Variants in CDH13 observed in about 807,000 individuals in gnomAD.
CDH13 encodes cadherin 13.
Under a neutral mutation model 63.8 loss-of-function variants are expected in CDH13, and 24 were observed. The observed-to-expected ratio is 0.38, with a 90% CI of 0.27 to 0.53. The LOEUF (loss-of-function observed/expected upper bound fraction) is 0.53, where lower values mean the gene tolerates loss of function less well. Ranked by LOEUF, CDH13 falls within the 20% of genes least tolerant of loss-of-function variation. The pLI, the probability that CDH13 is intolerant of heterozygous loss-of-function variation, is 0.85. For synonymous variants in CDH13, 503 were observed against 355.3 expected, an observed-to-expected ratio of 1.42 and a Z score of -4.67; for missense variants, 1,049 against 903.1, an observed-to-expected ratio of 1.16 and a Z score of -2.07.
intron 5 of CDH13, among the ~76,000 whole-genome samples, chr16:83,265,976 G>A (rs1344048421): frequency 3.3e-5 from 5 of 151,646 alleles, no homozygotes; most frequent in East Asian, 3.9e-4. Flanking sequence ...TCGCTCTGTC[G>A]CCCAGGCTAG....
At chr16:83,177,020 A>G (rs994177910) in intron 4 of CDH13, among the ~76,000 whole-genome samples, 2 of 152,184 alleles carry the variant, frequency 1.3e-5, no homozygotes, top group African/African-American at 2.4e-5. Flanking sequence ...TGCTGTGATT[A>G]TGGAAATGTT....
Position 82,801,850 on chromosome 16 carries a change from G to C in CDH13, c.46-56512G>C, listed in dbSNP as rs184730550. 1.2e-3 allele frequency among the ~76,000 whole-genome samples: 190 copies of C among 152,288 alleles called. 1 individual carries two copies. The highest frequency in any genetic ancestry group is 4.4e-3 in the African/African-American group (183 of 41,568). On this transcript the variant is annotated intron_variant, in intron 1 of 13. Coordinates refer to ENST00000567109, the MANE Select transcript of CDH13 (RefSeq NM_001257.5). ...TTGTTCACGTTCGTGCCAACTCCTGGTGTCTTAGATTTTGTTCCCAAACAC... is the reference window on the plus strand; with the variant it reads ...TTGTTCACGTTCGTGCCAACTCCTGCTGTCTTAGATTTTGTTCCCAAACAC...
At chr16:83,564,553 C>T (rs1318200254) in intron 7 of CDH13, among the ~76,000 whole-genome samples, 3 of 152,066 alleles carry the variant, frequency 2.0e-5, no homozygotes, top group African/African-American at 4.8e-5. Context: ...GTATTACAGG[C>T]ATCTGCCACC....
At chr16:82,730,529 C>A (rs1409523760) in intron 1 of CDH13, among the ~76,000 whole-genome samples, 3 of 152,222 alleles carry the variant, frequency 2.0e-5, no homozygotes, top group African/African-American at 7.2e-5. Flanking sequence ...AAAACAGTTA[C>A]AATAGTAACA....
intron 5 of CDH13, among the ~76,000 whole-genome samples, chr16:83,245,225 C>G (rs999318840): frequency 2.0e-5 from 3 of 152,146 alleles, no homozygotes; most frequent in South Asian, 2.1e-4. Context: ...TTATCTGGCT[C>G]TCTGCCACCC....
chr16:83,460,261 C>T (rs1008558885), intron 6 of CDH13, among the ~76,000 whole-genome samples: 3 of 152,194 alleles, frequency 2.0e-5, no homozygotes, highest in African/African-American at 7.2e-5. Flanking sequence ...TTGGCAATAA[C>T]AGGAAAACAG....
chr16:83,189,618 G>A (rs13336039), intron 4 of CDH13, among the ~76,000 whole-genome samples: 6,031 of 152,242 alleles, frequency 0.04, 359 homozygotes, highest in African/African-American at 0.14. Flanking sequence ...GCCTCACACA[G>A]TTGCACTTTG....
At chr16:82,863,378 C>T (rs1049469098) in intron 2 of CDH13, among the ~76,000 whole-genome samples, 2 of 152,190 alleles carry the variant, frequency 1.3e-5, no homozygotes, top group Admixed American at 6.5e-5. Context: ...AGGGGAGGGA[C>T]AGCACCTACT....
chr16:82,656,933 T>C (rs1446955712), intron 1 of CDH13, among the ~76,000 whole-genome samples: 3 of 151,796 alleles, frequency 2.0e-5, no homozygotes, highest in Non-Finnish European at 2.9e-5. Flanking sequence ...TTTTTTTTTT[T>C]TTTAGCATTG....
intron 4 of CDH13, among the ~76,000 whole-genome samples, chr16:83,203,155 T>C (rs142449302): frequency 0.088 from 13,245 of 150,742 alleles, 1,511 homozygotes; most frequent in African/African-American, 0.27. Context: ...ACCTGGCAGG[T>C]GGAGGTTGTG....
chr16:82,793,816 C>G (rs1002058811), intron 1 of CDH13, among the ~76,000 whole-genome samples: 1 of 152,154 alleles, frequency 6.6e-6, no homozygotes, highest in African/African-American at 2.4e-5. Context: ...ATGACTGCAT[C>G]TCAGGTGCAA....
At chr16:83,156,044 G>A (rs2037195292) in intron 4 of CDH13, among the ~76,000 whole-genome samples, 1 of 152,200 alleles carries the variant, frequency 6.6e-6, no homozygotes, top group African/African-American at 2.4e-5. Flanking sequence ...AAGAGCATCT[G>A]GTGTGGGTCT....
intron 4 of CDH13, among the ~76,000 whole-genome samples, chr16:83,199,198 G>A (rs537376435): frequency 2.0e-5 from 3 of 152,368 alleles, no homozygotes; most frequent in African/African-American, 7.2e-5. Flanking sequence ...CCTTGTGACA[G>A]TTAGCACCCA....
At chr16:82,886,085 C>T (rs4783293) in intron 2 of CDH13, among the ~76,000 whole-genome samples, 112,149 of 152,104 alleles carry the variant, frequency 0.74, 41,508 homozygotes, top group East Asian at 0.89. Context: ...ATTTATGTTA[C>T]TGATATCCAT....
At chr16:83,359,509 G>A (rs926699646) in intron 6 of CDH13, among the ~76,000 whole-genome samples, 1 of 152,132 alleles carries the variant, frequency 6.6e-6, no homozygotes, top group African/African-American at 2.4e-5. Flanking sequence ...AGAGACCCAT[G>A]GAGCTGAATT....
At chr16:83,672,328 G>T (rs139427567) in intron 9 of CDH13, among the ~76,000 whole-genome samples, 4 of 149,126 alleles carry the variant, frequency 2.7e-5, no homozygotes, top group Non-Finnish European at 5.9e-5. Context: ...GTCTAGTGAG[G>T]ACCCACTTTT....
chr16:82,705,159 G>T (rs747261745), intron 1 of CDH13: 3 of 455,860 alleles, frequency 6.6e-6, no homozygotes, highest in Middle Eastern at 3.2e-4. Context: ...AAAGGCAAAA[G>T]GATCCAGGTA....
chr16:83,106,512 G>T (rs2034772619), intron 3 of CDH13, among the ~76,000 whole-genome samples: 1 of 152,194 alleles, frequency 6.6e-6, no homozygotes, highest in South Asian at 2.1e-4. Context: ...TTGCACTCCA[G>T]CCTGGGCGAC....
At chr16:83,286,512 T>C (rs1597666243) in intron 5 of CDH13, among the ~76,000 whole-genome samples, 2 of 152,146 alleles carry the variant, frequency 1.3e-5, no homozygotes, top group African/African-American at 4.8e-5. Flanking sequence ...TCCCAGCACT[T>C]TGGGAGGCCA....
Sources: gnomAD v4.1 joint callset for allele counts (sites outside exome capture counted in the v4.1 genomes callset) on GRCh38, gnomAD v4.1.1 for gene constraint, MANE v1.5 for transcripts, NCBI Gene and HGNC (gene_info 2026-07-23, HGNC 2026-07-21) for gene names.